Variants in CCT3 observed in about 807,000 individuals in gnomAD.
CCT3 encodes the protein chaperonin containing TCP1 subunit 3, also known as T-complex protein 1 subunit gamma.
In CCT3, 10 loss-of-function variants were observed where a neutral mutation model predicts 65.3. The ratio of observed to expected loss-of-function variants is 0.15; its 90% CI spans 0.09 to 0.26. The LOEUF is 0.26. Among genes scored for constraint, CCT3 ranks in the 10% least tolerant of loss-of-function variants. The pLI, the probability that CCT3 is intolerant of heterozygous loss-of-function variation, is 1.00. For synonymous variants in CCT3, 225 were observed against 242.3 expected (o/e 0.93, Z 0.66); for missense variants, 626 against 708.7 (o/e 0.88, Z 1.33).
At chr1:156,317,372 C>T (rs760090780) in intron 9 of CCT3, 43 bp downstream of exon 9, 39 of 1,600,966 alleles carry the variant, frequency 2.4e-5, no homozygotes, top group Non-Finnish European at 3.2e-5. Flanking sequence ...CACCCACCCT[C>T]GTCTACCTCA....
chr1:156,322,287 A>G (rs567181888), intron 6 of CCT3, among the ~76,000 whole-genome samples: 37 of 151,984 alleles, frequency 2.4e-4, no homozygotes, highest in South Asian at 1.7e-3. Flanking sequence ...ACCTGAGGTC[A>G]GGAGTTTGAG....
chr1:156,323,788 G>C (rs774450701), intron 6 of CCT3, among the ~76,000 whole-genome samples: 7 of 148,140 alleles, frequency 4.7e-5, no homozygotes, highest in Admixed American at 2.0e-4. Flanking sequence ...TTTTGAGATG[G>C]AGTTTTGTTG....
At chr1:156,311,497 T>G (rs1365203379) in intron 11 of CCT3, among the ~76,000 whole-genome samples, 1 of 152,180 alleles carries the variant, frequency 6.6e-6, no homozygotes, top group Non-Finnish European at 1.5e-5. Context: ...CCCTTGCCAG[T>G]TATATGGAAA....
Position 156,334,936 on chromosome 1 carries a change from T to G in CCT3, c.94-18A>C. 1 of 1,612,756 alleles carries G rather than the reference T, an allele frequency of 6.2e-7. No homozygotes were observed. The highest frequency in any genetic ancestry group is 8.5e-7 in the Non-Finnish European group (1 of 1,178,894). On this transcript the variant is annotated intron_variant, in intron 2 of 13. Transcript: ENST00000295688. ...GCAATAGTCTAATGGAAAGGGAACA[T>G]AAAATACGCAAGCACAAATCAGAGG...
rs544363677 is a variant in CCT3, at chr1:156,322,397, T to C, written c.423-1372A>G. On this transcript the variant is annotated intron_variant, in intron 6 of 13. Transcript: ENST00000295688. ...CTGTAGTCCCAGCTACTTGGGAGGC[T>C]GAGACAGAATTGCTTGAACCGAAGA... is the stretch of plus-strand genomic sequence containing the variant. 1.3e-4 allele frequency among the ~76,000 whole-genome samples: 20 copies of C among 151,964 alleles called. No homozygotes were observed. The East Asian group carries it at 3.9e-3, about 29-fold the overall frequency.
rs1664046778 is a variant in CCT3, at chr1:156,310,694, A to C, written c.1402-5T>G. ...GTTCTCCTGGGTGTGCTTGGCCTGC[A>C]ATTGAAGCAAGAAGTAAAGGGGAAA... On this transcript the variant is annotated splice_region_variant and splice_polypyrimidine_tract_variant and intron_variant, in intron 12 of 13. Coordinates refer to ENST00000295688, the MANE Select transcript of CCT3 (RefSeq NM_005998.5). The C allele has an allele frequency of 1.2e-6, 2 of 1,611,636 alleles. No homozygotes were observed.
chr1:156,322,556 TA>T lies in CCT3; in HGVS notation c.423-1532del, dbSNP rs1321194038. ...TCTAGGTAGGCAGTTATTACTTGAT[TA>T]AAAAAAAAAAATATTTCAGGCCAGG... On this transcript the variant is annotated intron_variant, in intron 6 of 13. Transcript: ENST00000295688. Among the ~76,000 whole-genome samples, 209 of 145,330 alleles carry T rather than the reference TA, an allele frequency of 1.4e-3. 1 individual carries two copies. The highest frequency in any genetic ancestry group is 2.1e-3 in the African/African-American group (83 of 39,700).
intron 5 of CCT3, chr1:156,333,345 C>T: frequency 2.2e-6 from 1 of 451,300 alleles, no homozygotes; most frequent in Non-Finnish European, 4.0e-6. Flanking sequence ...AGAGAATTAA[C>T]TATTAGTTTA....
At chr1:156,312,328 G>T in intron 10 of CCT3, 107 bp from the exon 11 acceptor site, 1 of 1,027,156 alleles carries the variant, frequency 9.7e-7, no homozygotes, top group Non-Finnish European at 1.4e-6. Context: ...GTGGATTGTT[G>T]GAAACATCAC....
Position 156,321,061 on chromosome 1 carries a change from G to C in CCT3, c.423-36C>G, listed in dbSNP as rs759817327. The C allele has an allele frequency of 1.2e-5, 19 of 1,561,860 alleles. No individual in the cohort carries two copies. In the African/African-American group the frequency reaches 1.8e-4, roughly 14 times the overall value. On this transcript the variant is annotated intron_variant, in intron 6 of 13. Transcript: ENST00000295688. Reference sequence around the variant, plus strand: ...GAAAACCAGACGATATGTGAAGAAGGCATGTTAGATATGTAGAGATGTGCC... The same window carrying C: ...GAAAACCAGACGATATGTGAAGAAGCCATGTTAGATATGTAGAGATGTGCC...
At chr1:156,333,374 C>A in intron 5 of CCT3, 173 bp downstream of exon 5, 2 of 566,286 alleles carry the variant, frequency 3.5e-6, no homozygotes, top group Admixed American at 3.0e-5. Flanking sequence ...ATTTGCATAG[C>A]TCACCCTATT....
In CCT3 at chr1:156,330,817, G is replaced by C. The variant is rs1365582044; in HGVS notation, c.304+2730C>G. ...TAATCCCAGCTAACAGAAAGGCTGA[G>C]ACAGGAGAATCACTTGAACCCCAGG... On this transcript the variant is annotated intron_variant, in intron 5 of 13. Transcript: ENST00000295688. Among the ~76,000 whole-genome samples the C allele has an allele frequency of 2.0e-5, 3 of 152,024 alleles. No individual in the cohort carries two copies. In the East Asian group the frequency reaches 5.8e-4, roughly 29 times the overall value.
At chr1:156,327,371 G>A (rs189708935) in intron 5 of CCT3, among the ~76,000 whole-genome samples, 9 of 152,190 alleles carry the variant, frequency 5.9e-5, no homozygotes, top group Admixed American at 4.6e-4. Flanking sequence ...CTGCCATCTC[G>A]GCTCACTGCA....
rs757121256 is a variant in CCT3 at position 156,317,499 on chromosome 1, T to G, written c.808A>C (p.Met270Leu). The change falls in exon 9 of 14, where the codon ATG becomes CTG. Residue 270 changes from methionine (M) to leucine (L), a missense_variant. Transcript: ENST00000295688. ...REEDFTRILQ[M>L]EEEYIQQLCE... is the part of the protein sequence containing the mutation. ...AGCTGCTGGATGTACTCTTCCTCCA[T>G]CTGGAGAATTCGGGTGAAGTCCTCC... is the stretch of plus-strand genomic sequence containing the variant. The G allele has an allele frequency of 1.2e-6, 2 of 1,613,776 alleles. No individual in the cohort carries two copies. Among genetic ancestry groups the G allele is most frequent in the African/African-American group, 2.7e-5 (2 of 74,910 alleles).
chr1:156,331,205 T>C (rs765703587), intron 5 of CCT3, among the ~76,000 whole-genome samples: 3 of 151,956 alleles, frequency 2.0e-5, no homozygotes, highest in Non-Finnish European at 4.4e-5. Flanking sequence ...TACTCTAGCC[T>C]GGGTGACACA....
At chr1:156,329,574 G>C (rs892824580) in intron 5 of CCT3, among the ~76,000 whole-genome samples, 1 of 151,592 alleles carries the variant, frequency 6.6e-6, no homozygotes, top group African/African-American at 2.4e-5. Context: ...CAAAGTGCTG[G>C]GATTACAGGC....
intron 5 of CCT3, among the ~76,000 whole-genome samples, chr1:156,328,337 C>T (rs931516254): frequency 6.6e-6 from 1 of 151,906 alleles, no homozygotes. Context: ...TGCCCGGCCA[C>T]GACCCTGTCT....
rs1415043553 is a variant in CCT3, at chr1:156,335,642, A to G, written c.93+185T>C. 4 of 562,110 alleles carry G rather than the reference A, an allele frequency of 7.1e-6. No individual in the cohort carries two copies. In the East Asian group the frequency reaches 1.1e-4, roughly 16 times the overall value. The allele number at this position is 562,110 out of a possible 1,614,324, so 34.8% of individuals were successfully genotyped here. A position where few individuals can be genotyped will look rare whatever the true frequency, so the allele number is the denominator to read the frequency against. On this transcript the variant is annotated intron_variant, in intron 2 of 13. Transcript: ENST00000295688. Reference sequence around the variant, plus strand: ...TTAATACGAGAAGATTATCAGTCCTAACTCAGAAGGGGAGGGCTTCCTTTC... The same window carrying G: ...TTAATACGAGAAGATTATCAGTCCTGACTCAGAAGGGGAGGGCTTCCTTTC...
At chr1:156,313,950 T>C (rs915935841) in intron 10 of CCT3, among the ~76,000 whole-genome samples, 15 of 152,134 alleles carry the variant, frequency 9.9e-5, no homozygotes, top group Admixed American at 6.5e-4. Flanking sequence ...TAGCTGGGCA[T>C]GGTGGTGCGC....
Sources: gnomAD v4.1 joint callset for allele counts (sites outside exome capture counted in the v4.1 genomes callset) on GRCh38, gnomAD v4.1.1 for gene constraint, MANE v1.5 for transcripts, NCBI Gene and HGNC (gene_info 2026-07-23, HGNC 2026-07-21) for gene names.